ASB13: variants seen among roughly 807,000 people sequenced by gnomAD.
ASB13 encodes ankyrin repeat and SOCS box containing 13.
Under a neutral mutation model 28.8 loss-of-function variants are expected in ASB13, and 33 were observed. That is an observed-to-expected ratio of 1.15 (90% CI 0.87 to 1.53). The LOEUF (loss-of-function observed/expected upper bound fraction) is 1.53, where lower values mean the gene tolerates loss of function less well. Among genes scored for constraint, ASB13 ranks in the 40% most tolerant of loss-of-function variants. The probability of loss-of-function intolerance (pLI) is 0.00; values close to 1 mark genes in which losing one functional copy is unlikely to be tolerated. For missense variants in ASB13, 414 were observed against 390.1 expected, an observed-to-expected ratio of 1.06 and a Z score of -0.52; for synonymous variants, 182 against 172.9, an observed-to-expected ratio of 1.05 and a Z score of -0.41.
chr10:5,642,012 C>A lies in ASB13; in HGVS notation c.518-51G>T. ...TTTCACCAAGAAGAGAACTTGAAGT[C>A]AGGGGGACAATCAGGTCCGTTTCGT... is the stretch of plus-strand genomic sequence containing the variant. On this transcript the variant is annotated intron_variant, in intron 4 of 5. Coordinates refer to ENST00000357700, the MANE Select transcript of ASB13 (RefSeq NM_024701.4). The surrounding 1 kb of genome is among the most constrained non-coding windows in gnomAD (Gnocchi z 4.1). The A allele has an allele frequency of 1.3e-6, 2 of 1,562,956 alleles. No individual in the cohort carries two copies. Among genetic ancestry groups the A allele is most frequent in the South Asian group, 2.3e-5 (2 of 86,750 alleles).
rs1564222328 is a variant in ASB13 at position 5,661,368 on chromosome 10, C to T, written c.43+5141G>A. Among the ~76,000 whole-genome samples, 1 of 152,282 alleles carries T rather than the reference C, an allele frequency of 6.6e-6. No homozygotes were observed. Among genetic ancestry groups the T allele is most frequent in the Non-Finnish European group, 1.5e-5 (1 of 68,050 alleles). ...GGGGCCTCTCCAGGGTCAGGGCCCA[C>T]TCCAACAAAGAGCATTCTCAAATGC... On this transcript the variant is annotated intron_variant, in intron 1 of 5. Coordinates refer to ENST00000357700, the MANE Select transcript of ASB13 (RefSeq NM_024701.4). The surrounding 1 kb of genome is among the most constrained non-coding windows in gnomAD (Gnocchi z 4.9).
At position 5,652,289 on chromosome 10, in the gene ASB13, G is replaced by A. The variant is rs1835000885; in HGVS notation, c.231+574C>T. On this transcript the variant is annotated intron_variant, in intron 2 of 5. Transcript: ENST00000357700. This position sits in a 1 kb window ranked among gnomAD's most constrained non-coding sequence, Gnocchi z 5.0. Reference sequence around the variant, plus strand: ...CCTTCTTCCTCACCCCTTGAACTCTGAGACCAGGTCCCTGTGTCACTTATA... The same window carrying A: ...CCTTCTTCCTCACCCCTTGAACTCTAAGACCAGGTCCCTGTGTCACTTATA... Among the ~76,000 whole-genome samples, 1 of 152,114 alleles carries A rather than the reference G, an allele frequency of 6.6e-6. No individual in the cohort carries two copies. Among genetic ancestry groups the A allele is most frequent in the Non-Finnish European group, 1.5e-5 (1 of 68,030 alleles).
In ASB13 at chr10:5,660,949, G is replaced by C. The variant is rs1835149858; in HGVS notation, c.43+5560C>G. ...GCTGCTGCACAGCCAGGTTCTGCTG[G>C]CCGGAGACCACCAGCAGCTTGAAAG... On this transcript the variant is annotated intron_variant, in intron 1 of 5. Transcript: ENST00000357700. This position sits in a 1 kb window ranked among gnomAD's most constrained non-coding sequence, Gnocchi z 6.1. Among the ~76,000 whole-genome samples the C allele has an allele frequency of 6.6e-6, 1 of 152,236 alleles. No individual in the cohort carries two copies. Among genetic ancestry groups the C allele is most frequent in the African/African-American group, 2.4e-5 (1 of 41,456 alleles).
chr10:5,666,575 C>G lies in ASB13; in HGVS notation c.-24G>C. 1.8e-6 allele frequency: 2 copies of G among 1,133,148 alleles called. No individual in the cohort carries two copies. Among genetic ancestry groups the G allele is most frequent in the East Asian group, 4.6e-5 (1 of 21,950 alleles). The allele number at this position is 1,133,148 out of a possible 1,614,324, so 70.2% of individuals were successfully genotyped here. A position where few individuals can be genotyped will look rare whatever the true frequency, so the allele number is the denominator to read the frequency against. On this transcript the variant is annotated 5_prime_UTR_variant, in exon 1 of 6. Transcript: ENST00000357700. ...ATGCGGCTCACCGGCGGCCGCGCGG[C>G]GACTCTGGGCGCCGGGACCTGGGCC...
At chr10:5,647,044 A>G (rs1409086413) in intron 4 of ASB13, among the ~76,000 whole-genome samples, 1 of 152,246 alleles carries the variant, frequency 6.6e-6, no homozygotes, top group Non-Finnish European at 1.5e-5. Context: ...AGTGAGTAAG[A>G]TTCTCCAATA....
rs1284405626 is a variant in ASB13, at chr10:5,640,576, G to T, written c.*127C>A. ...GGAGAGAAGCCTAAACAGGATCGCA[G>T]GAAGGGACTCGAAGGAGCGTTGTTC... is the stretch of plus-strand genomic sequence containing the variant. On this transcript the variant is annotated 3_prime_UTR_variant, in exon 6 of 6. Transcript: ENST00000357700. 4.0e-6 allele frequency: 5 copies of T among 1,241,590 alleles called. No homozygotes were observed. Among genetic ancestry groups the T allele is most frequent in the Non-Finnish European group, 5.7e-6 (5 of 881,656 alleles). The allele number at this position is 1,241,590 out of a possible 1,614,324, so 76.9% of individuals were successfully genotyped here.
At position 5,651,363 on chromosome 10, in the gene ASB13, C is replaced by T. The variant is rs775464852; in HGVS notation, c.232G>A (p.Val78Met). 3 of 1,597,166 alleles carry T rather than the reference C, an allele frequency of 1.9e-6. No individual in the cohort carries two copies. Among genetic ancestry groups the T allele is most frequent in the African/African-American group, 2.7e-5 (2 of 74,574 alleles). Residue 78 changes from valine (V) to methionine (M), a missense_variant and splice_region_variant, in exon 3 of 6, where the codon GTG (valine) becomes ATG (methionine). By Grantham distance (21) the Val-to-Met change is conservative. Transcript: ENST00000357700. The surrounding 1 kb of genome is among the most constrained non-coding windows in gnomAD (Gnocchi z 5.1). ...CTGCCGTCGATGTTGCGAGCATCCA[C>T]CTCACGGGAGGAAGAAACAAGTGTC... is the stretch of plus-strand genomic sequence containing the variant. Reference protein sequence around the residue: ...VQLLLAAGAQVDARNIDGSTP... With the variant: ...VQLLLAAGAQMDARNIDGSTP...
In ASB13 at chr10:5,662,564, G is replaced by GGGAGAGGAGA. The variant is rs1835187701; in HGVS notation, c.43+3944_43+3945insTCTCCTCTCC. ...GGGAGGGGAGGGGAGGGGAGGGGAGGGGAGAAGAGAAGAGAAGAGAAGAGA... is the reference window on the plus strand; with the variant it reads ...GGGAGGGGAGGGGAGGGGAGGGGAGGGGAGAGGAGAGGAGAAGAGAAGAGAAGAGAAGAGA... On this transcript the variant is annotated intron_variant, in intron 1 of 5. Transcript: ENST00000357700. Among the ~76,000 whole-genome samples the GGGAGAGGAGA allele has an allele frequency of 1.6e-4, 3 of 19,140 alleles. 1 individual carries two copies. The South Asian group carries it at 7.7e-3, about 49-fold the overall frequency. The allele number at this position is 19,140 out of a possible 152,430, so 12.6% of individuals were successfully genotyped here.
At position 5,663,756 on chromosome 10, in the gene ASB13, AG is replaced by A. The variant is rs1835210197; in HGVS notation, c.43+2752del. On this transcript the variant is annotated intron_variant, in intron 1 of 5. Coordinates refer to ENST00000357700, the MANE Select transcript of ASB13 (RefSeq NM_024701.4). The surrounding 1 kb of genome is among the most constrained non-coding windows in gnomAD (Gnocchi z 4.9). ...TCTGATACTTCCATTGGCCCTAAAT[AG>A]GCTTTTCTGGTGTGTCAACAGGCCC... Among the ~76,000 whole-genome samples, 1 of 152,124 alleles carries A rather than the reference AG, an allele frequency of 6.6e-6. No homozygotes were observed. The highest frequency in any genetic ancestry group is 6.5e-5 in the Admixed American group (1 of 15,278).
Position 5,666,508 on chromosome 10 carries a change from C to A in ASB13, c.43+1G>T. ...CTGACCTCCGCGGCGCCCGCACGTA[C>A]CCACGTCGCCCAGGAAGCAGCCGTC... is the stretch of plus-strand genomic sequence containing the variant. On this transcript the variant is annotated splice_donor_variant, in intron 1 of 5. Transcript: ENST00000357700. LOFTEE classifies it high-confidence loss of function. The A allele has an allele frequency of 7.8e-7, 1 of 1,289,140 alleles. No homozygotes were observed. The highest frequency in any genetic ancestry group is 9.9e-7 in the Non-Finnish European group (1 of 1,013,624). 79.9% of individuals were successfully genotyped at this position (1,289,140 alleles called of 1,614,324 possible). A position where few individuals can be genotyped will look rare whatever the true frequency, so the allele number is the denominator to read the frequency against.
Position 5,656,136 on chromosome 10 carries a change from T to C in ASB13, c.44-3086A>G, listed in dbSNP as rs966084391. Among the ~76,000 whole-genome samples the C allele has an allele frequency of 2.0e-5, 3 of 152,178 alleles. No homozygotes were observed. Among genetic ancestry groups the C allele is most frequent in the African/African-American group, 7.2e-5 (3 of 41,452 alleles). On this transcript the variant is annotated intron_variant, in intron 1 of 5. Coordinates refer to ENST00000357700, the MANE Select transcript of ASB13 (RefSeq NM_024701.4). The surrounding 1 kb of genome is among the most constrained non-coding windows in gnomAD (Gnocchi z 4.3). ...CCGGGTCTATCTCAGGCACCGCTTA[T>C]TCACCTCTGTACCCCAGAACCTGGC... is the stretch of plus-strand genomic sequence containing the variant.
intron 1 of ASB13, among the ~76,000 whole-genome samples, chr10:5,654,414 G>A (rs1835040543): frequency 6.6e-6 from 1 of 152,132 alleles, no homozygotes; most frequent in African/African-American, 2.4e-5. Flanking sequence ...GGAAAGGACT[G>A]GAACCTGGAG....
rs771897250 is a variant in ASB13, at chr10:5,650,261, A to G, written c.382+952T>C. Among the ~76,000 whole-genome samples, 2 of 151,914 alleles carry G rather than the reference A, an allele frequency of 1.3e-5. No homozygotes were observed. Among genetic ancestry groups the G allele is most frequent in the Non-Finnish European group, 2.9e-5 (2 of 67,956 alleles). On this transcript the variant is annotated intron_variant, in intron 3 of 5. Coordinates refer to ENST00000357700, the MANE Select transcript of ASB13 (RefSeq NM_024701.4). This position sits in a 1 kb window ranked among gnomAD's most constrained non-coding sequence, Gnocchi z 6.0. ...CAACTCATCCCTCTGCTTCCAGGAG[A>G]CCCCAGCCACCACTGCACCTCCGTC...
rs201195536 is a variant in ASB13, at chr10:5,662,633, GAAGA to G, written c.43+3872_43+3875del. ...GAAGAGAAGAGAAGAGAAGAGAAGA[GAAGA>G]GATGAGATCCTGGATGATTAACACT... On this transcript the variant is annotated intron_variant, in intron 1 of 5. Transcript: ENST00000357700. 3.2e-3 allele frequency among the ~76,000 whole-genome samples: 462 copies of G among 146,594 alleles called. 18 individuals are homozygous for G. The highest frequency in any genetic ancestry group is 0.021 in the Admixed American group (261 of 12,434).
intron 1 of ASB13, 78 bp downstream of exon 1, chr10:5,666,431 G>A: frequency 1.7e-6 from 2 of 1,193,516 alleles, no homozygotes; most frequent in South Asian, 2.8e-5. Flanking sequence ...CCTCCCCGGC[G>A]CAGGCCATCG....
rs1399269304 is a variant in ASB13, at chr10:5,662,635, A to AGAGAT, written c.43+3869_43+3873dup. 1.0e-3 allele frequency among the ~76,000 whole-genome samples: 147 copies of AGAGAT among 143,020 alleles called. 3 individuals carry two copies. The highest frequency in any genetic ancestry group is 7.2e-3 in the Middle Eastern group (2 of 278). 93.8% of individuals were successfully genotyped at this position (143,020 alleles called of 152,430 possible). On this transcript the variant is annotated intron_variant, in intron 1 of 5. Transcript: ENST00000357700. The stretch of plus-strand genomic sequence containing the variant: ...AGAGAAGAGAAGAGAAGAGAAGAGA[A>AGAGAT]GAGATGAGATCCTGGATGATTAACA...
rs1379837990 is a variant in ASB13, at chr10:5,664,125, G to A, written c.43+2384C>T. Reference sequence around the variant, plus strand: ...ACAGAAGGCGGGCTTGGCACCCGGGGTTGGGACCAGCAAAGAGCAGGGAAT... The same window carrying A: ...ACAGAAGGCGGGCTTGGCACCCGGGATTGGGACCAGCAAAGAGCAGGGAAT... On this transcript the variant is annotated intron_variant, in intron 1 of 5. Transcript: ENST00000357700. This position sits in a 1 kb window ranked among gnomAD's most constrained non-coding sequence, Gnocchi z 4.2. Among the ~76,000 whole-genome samples, 1 of 152,162 alleles carries A rather than the reference G, an allele frequency of 6.6e-6. No homozygotes were observed. Among genetic ancestry groups the A allele is most frequent in the Non-Finnish European group, 1.5e-5 (1 of 68,040 alleles).
In ASB13 at chr10:5,663,511, G is replaced by A. The variant is rs558535128; in HGVS notation, c.43+2998C>T. ...CCAGTCCCACCCTCAAGGCACTGTG[G>A]GAGCTCAGGCCCTGACTCAGGACCC... On this transcript the variant is annotated intron_variant, in intron 1 of 5. Transcript: ENST00000357700. This position sits in a 1 kb window ranked among gnomAD's most constrained non-coding sequence, Gnocchi z 4.9. Among the ~76,000 whole-genome samples the A allele has an allele frequency of 6.6e-6, 1 of 152,220 alleles. No homozygotes were observed. Among genetic ancestry groups the A allele is most frequent in the Admixed American group, 6.5e-5 (1 of 15,292 alleles).
rs1220728819 is a variant in ASB13 at position 5,655,926 on chromosome 10, C to T, written c.44-2876G>A. On this transcript the variant is annotated intron_variant, in intron 1 of 5. Transcript: ENST00000357700. This position sits in a 1 kb window ranked among gnomAD's most constrained non-coding sequence, Gnocchi z 6.2. The stretch of plus-strand genomic sequence containing the variant: ...ACGTCCAGGTGGATTTAGCGTCTTC[C>T]GCTGCCACACGCAAAGATGACTAAG... 3.9e-5 allele frequency among the ~76,000 whole-genome samples: 6 copies of T among 152,198 alleles called. No individual in the cohort carries two copies. The highest frequency in any genetic ancestry group is 7.3e-5 in the Non-Finnish European group (5 of 68,036).
Sources: allele counts gnomAD v4.1 joint callset (sites outside exome capture counted in the v4.1 genomes callset), GRCh38; gene constraint gnomAD v4.1.1; non-coding constraint Gnocchi (gnomAD v3.1); transcripts MANE v1.5; gene names NCBI Gene and HGNC (gene_info 2026-07-23, HGNC 2026-07-21).